Variants in INSYN2B observed in about 807,000 individuals in gnomAD.
The protein encoded by INSYN2B is protein INSYN2B.
In INSYN2B, 16 loss-of-function variants were observed where a neutral mutation model predicts 41.2. That is an observed-to-expected ratio of 0.39 (90% CI 0.26 to 0.59). The LOEUF is 0.59. Among genes scored for constraint, INSYN2B ranks in the 20% least tolerant of loss-of-function variants. The probability of loss-of-function intolerance (pLI) is 0.57; values close to 1 mark genes in which losing one functional copy is unlikely to be tolerated. For missense variants in INSYN2B, 608 were observed against 646.4 expected (o/e 0.94, Z 0.64); for synonymous variants, 245 against 244.4 (o/e 1.00, Z -0.02).
intron 1 of INSYN2B, among the ~76,000 whole-genome samples, chr5:169,887,266 T>G (rs1434496062): frequency 6.6e-6 from 1 of 152,236 alleles, no homozygotes; most frequent in Non-Finnish European, 1.5e-5. Context: ...TATGTATCCT[T>G]TAGATGTTTT....
At chr5:169,881,555 A>G (rs1169272012) in intron 2 of INSYN2B, 113 bp from the exon 3 acceptor site, 11 of 755,808 alleles carry the variant, frequency 1.5e-5, no homozygotes, top group Non-Finnish European at 2.1e-5. Flanking sequence ...GGTGCTCTGA[A>G]GTTGCACGGC....
intron 1 of INSYN2B, among the ~76,000 whole-genome samples, chr5:169,891,945 G>A (rs1251282548): frequency 2.0e-5 from 3 of 147,758 alleles, no homozygotes; most frequent in Non-Finnish European, 4.4e-5. Context: ...GCAGTGAGCC[G>A]AGATTGTGCC....
At chr5:169,964,374 T>C (rs935250304) in intron 1 of INSYN2B, among the ~76,000 whole-genome samples, 3 of 152,168 alleles carry the variant, frequency 2.0e-5, no homozygotes, top group African/African-American at 7.2e-5. Context: ...TGGCCTGTCA[T>C]TGGGAAGACT....
At chr5:169,931,915 T>C (rs1775775838) in intron 1 of INSYN2B, among the ~76,000 whole-genome samples, 1 of 152,176 alleles carries the variant, frequency 6.6e-6, no homozygotes, top group Non-Finnish European at 1.5e-5. Context: ...AGGGAAAATA[T>C]CATGCATTCA....
At chr5:169,897,207 A>G (rs1216855013) in intron 1 of INSYN2B, among the ~76,000 whole-genome samples, 1 of 151,956 alleles carries the variant, frequency 6.6e-6, no homozygotes, top group East Asian at 1.9e-4. Context: ...TTTTTTTGAG[A>G]CAGAGTCTTG....
rs1169532536 is a variant in INSYN2B at position 169,864,452 on chromosome 5, A to G, written c.1429T>C (p.Tyr477His). Reference sequence around the variant, plus strand: ...CTGCCTTCCTGCTGCCGAAAATCATACTCTACACTGAAAAACACAGAGAGG... The same window carrying G: ...CTGCCTTCCTGCTGCCGAAAATCATGCTCTACACTGAAAAACACAGAGAGG... ...NTACIIYSVE[Y>H]DFRQQEGRFH... Residue 477 changes from tyrosine (Y) to histidine (H), a missense_variant, in exon 4 of 4, where the codon TAT becomes CAT. Tyr to His is a moderately conservative substitution (Grantham distance 83). Transcript: ENST00000377365. The G allele has an allele frequency of 4.6e-6, 7 of 1,536,400 alleles. No homozygotes were observed. Among genetic ancestry groups the G allele is most frequent in the Non-Finnish European group, 6.1e-6 (7 of 1,140,164 alleles).
rs369763836 is a variant in INSYN2B at position 169,931,609 on chromosome 5, C to G, written c.-918-46793G>C. ...TTATTCGCTGTTTGACTTTGGCAAACTGACACAAGATCTCTGAGCCTGCTT... is the reference window on the plus strand; with the variant it reads ...TTATTCGCTGTTTGACTTTGGCAAAGTGACACAAGATCTCTGAGCCTGCTT... On this transcript the variant is annotated intron_variant, in intron 1 of 3. Transcript: ENST00000377365. Among the ~76,000 whole-genome samples, 37 of 152,320 alleles carry G rather than the reference C, an allele frequency of 2.4e-4. 1 individual carries two copies. Among genetic ancestry groups the G allele is most frequent in the South Asian group, 2.1e-3 (10 of 4,828 alleles).
rs1776774205 is a variant in INSYN2B at position 169,954,158 on chromosome 5, A to G, written c.-919+26119T>C. ...AATTATTATTGTTATTATTTGCTGTAGTATGTTTAAAAGAGGTTTTAATGA... is the reference window on the plus strand; with the variant it reads ...AATTATTATTGTTATTATTTGCTGTGGTATGTTTAAAAGAGGTTTTAATGA... On this transcript the variant is annotated intron_variant, in intron 1 of 3. Transcript: ENST00000377365. Among the ~76,000 whole-genome samples, 5 of 152,362 alleles carry G rather than the reference A, an allele frequency of 3.3e-5. No homozygotes were observed. In the South Asian group the frequency reaches 1.0e-3, roughly 32 times the overall value.
chr5:169,927,426 C>T (rs1419387502), intron 1 of INSYN2B, among the ~76,000 whole-genome samples: 3 of 152,094 alleles, frequency 2.0e-5, no homozygotes, highest in Non-Finnish European at 4.4e-5. Flanking sequence ...CATGTGGTGC[C>T]GATGCTACTG....
At chr5:169,872,817 C>A (rs1772069884) in intron 3 of INSYN2B, among the ~76,000 whole-genome samples, 1 of 152,194 alleles carries the variant, frequency 6.6e-6, no homozygotes, top group African/African-American at 2.4e-5. Context: ...GGATCTTGGG[C>A]AGATCACTTA....
chr5:169,882,004 C>T (rs1772682891), intron 2 of INSYN2B, among the ~76,000 whole-genome samples: 1 of 152,066 alleles, frequency 6.6e-6, no homozygotes, highest in African/African-American at 2.4e-5. Flanking sequence ...TTCTCTTTGC[C>T]GAAAATGAAT....
chr5:169,875,951 A>T (rs924975783), intron 3 of INSYN2B: 1 of 152,222 alleles, frequency 6.6e-6, no homozygotes, highest in African/African-American at 2.4e-5. Flanking sequence ...CATAGATTTT[A>T]CTCTTACAGT....
In INSYN2B at chr5:169,864,401, C is replaced by T. The variant is rs2113421872; in HGVS notation, c.1480G>A (p.Glu494Lys). 6.4e-7 allele frequency: 1 copy of T among 1,551,248 alleles called. No homozygotes were observed. The highest frequency in any genetic ancestry group is 8.7e-7 in the Non-Finnish European group (1 of 1,146,776). ...GRFHEVLQSL[E>K]EAEPVEEASP... ...GCCTCCTCAACTGGCTCTGCTTCCT[C>T]CAGACTCTGCAAAACTTCATGGAAC... is the stretch of plus-strand genomic sequence containing the variant. The change falls in exon 4 of 4, where the codon GAG (glutamate) becomes AAG (lysine). Residue 494 changes from glutamate to lysine, a missense_variant. Coordinates refer to ENST00000377365, the MANE Select transcript of INSYN2B (RefSeq NM_001129891.3).
chr5:169,869,759 C>T (rs758008987), intron 3 of INSYN2B, among the ~76,000 whole-genome samples: 1 of 152,212 alleles, frequency 6.6e-6, no homozygotes, highest in Non-Finnish European at 1.5e-5. Context: ...GTGGGAGAGA[C>T]TCTCTGCTTT....
chr5:169,889,998 A>G (rs1002656120), intron 1 of INSYN2B, among the ~76,000 whole-genome samples: 13 of 142,788 alleles, frequency 9.1e-5, no homozygotes, highest in African/African-American at 3.9e-4. Flanking sequence ...CAACTTATAA[A>G]GCATTTTCAA....
At position 169,861,985 on chromosome 5, in the gene INSYN2B, C is replaced by T. The variant is rs1412222399; in HGVS notation, c.*2288G>A. ...GCAGAAAATGTCAACATTTTCTAGT[C>T]CCAGTTTTATTTAATTCAGTTAAGG... On this transcript the variant is annotated 3_prime_UTR_variant, in exon 4 of 4. Coordinates refer to ENST00000377365, the MANE Select transcript of INSYN2B (RefSeq NM_001129891.3). Among the ~76,000 whole-genome samples, 1 of 148,268 alleles carries T rather than the reference C, an allele frequency of 6.7e-6. No homozygotes were observed. Among genetic ancestry groups the T allele is most frequent in the African/African-American group, 2.5e-5 (1 of 40,276 alleles).
intron 1 of INSYN2B, among the ~76,000 whole-genome samples, chr5:169,923,467 G>A (rs201753887): frequency 6.3e-4 from 91 of 145,554 alleles, no homozygotes; most frequent in East Asian, 1.0e-3. Flanking sequence ...ACATGCGTGC[G>A]TGTGCATGCA....
chr5:169,956,777 G>A (rs1776883153), intron 1 of INSYN2B, among the ~76,000 whole-genome samples: 2 of 152,106 alleles, frequency 1.3e-5, no homozygotes, highest in African/African-American at 2.4e-5. Context: ...CTCACAAAAA[G>A]TTCAAATGTA....
rs1479024153 is a variant in INSYN2B, at chr5:169,863,911, G to A, written c.*362C>T. ...TTTTTCTTTTGGGTTTATGAACCCA[G>A]GATGGGAAGGAAGTGCTTGGCATCT... On this transcript the variant is annotated 3_prime_UTR_variant, in exon 4 of 4. Transcript: ENST00000377365. 1.3e-5 allele frequency among the ~76,000 whole-genome samples: 2 copies of A among 152,164 alleles called. No homozygotes were observed. Among genetic ancestry groups the A allele is most frequent in the East Asian group, 1.9e-4 (1 of 5,186 alleles).
Sources: gnomAD v4.1 joint callset for allele counts (sites outside exome capture counted in the v4.1 genomes callset) on GRCh38, gnomAD v4.1.1 for gene constraint, MANE v1.5 for transcripts, NCBI Gene and HGNC (gene_info 2026-07-23, HGNC 2026-07-21) for gene names.